Variants in PTK7 observed in about 807,000 individuals in gnomAD.
PTK7 encodes protein tyrosine kinase 7 (inactive), also known as inactive tyrosine-protein kinase 7.
In PTK7, 39 loss-of-function variants were observed where a neutral mutation model predicts 116.6. The observed-to-expected ratio is 0.33, with a 90% CI of 0.26 to 0.44. The LOEUF (loss-of-function observed/expected upper bound fraction) is 0.44, where lower values mean the gene tolerates loss of function less well. Among genes scored for constraint, PTK7 ranks in the 20% least tolerant of loss-of-function variants. PTK7 has a pLI of 1.00. For missense variants in PTK7, 1,169 were observed against 1,425.6 expected, an observed-to-expected ratio of 0.82 and a Z score of 2.90; for synonymous variants, 546 against 563.6, an observed-to-expected ratio of 0.97 and a Z score of 0.44.
At position 43,138,843 on chromosome 6, in the gene PTK7, G is replaced by T. The variant is rs750321971; in HGVS notation, c.1229-6G>T. ...AGCCTTCACTGTTTCCTTCCTGTCT[G>T]TCTAGCTGTGCCCTCCTGGCTGAAG... On this transcript the variant is annotated splice_polypyrimidine_tract_variant and splice_region_variant and intron_variant, in intron 7 of 19. Coordinates refer to ENST00000230419, the MANE Select transcript of PTK7 (RefSeq NM_002821.5). The T allele has an allele frequency of 2.4e-5, 39 of 1,609,216 alleles. No individual in the cohort carries two copies. Among genetic ancestry groups the T allele is most frequent in the Non-Finnish European group, 3.3e-5 (39 of 1,177,746 alleles).
chr6:43,104,312 T>G (rs1333702241), intron 1 of PTK7, among the ~76,000 whole-genome samples: 2 of 152,194 alleles, frequency 1.3e-5, no homozygotes, highest in Non-Finnish European at 2.9e-5. Context: ...AAATCTTGGT[T>G]GAGGGTGGGG....
chr6:43,092,113 G>A (rs903721340), intron 1 of PTK7, among the ~76,000 whole-genome samples: 6 of 151,998 alleles, frequency 3.9e-5, no homozygotes, highest in Admixed American at 2.6e-4. Context: ...CACCCACCTC[G>A]GCCTCCCAAA....
chr6:43,086,063 C>T (rs1766633616), intron 1 of PTK7, among the ~76,000 whole-genome samples: 1 of 152,152 alleles, frequency 6.6e-6, no homozygotes, highest in Non-Finnish European at 1.5e-5. Context: ...GGTGGGAATT[C>T]TCCCTCTCTC....
chr6:43,104,485 AT>A (rs1414330554), intron 1 of PTK7, among the ~76,000 whole-genome samples: 1 of 152,144 alleles, frequency 6.6e-6, no homozygotes, highest in Non-Finnish European at 1.5e-5. Context: ...AGCTAGGCCC[AT>A]TGTAACCTCT....
In PTK7 at chr6:43,141,759, C is replaced by T. The variant is rs371950841; in HGVS notation, c.1710C>T (p.Cys570=). 14 of 1,614,026 alleles carry T rather than the reference C, an allele frequency of 8.7e-6. No individual in the cohort carries two copies. The African/African-American group carries it at 1.9e-4, about 22-fold the overall frequency. ...VTRDDAGNYT[C]IASNGPQGQI... is the part of the protein sequence containing the mutation. ...GAGATGACGCTGGCAACTACACTTG[C>T]ATTGCCTCCAACGGGCCGCAGGGCC... Residue 570 remains cysteine (C), a synonymous_variant, in exon 11 of 20, where the codon TGC becomes TGT. Coordinates refer to ENST00000230419, the MANE Select transcript of PTK7 (RefSeq NM_002821.5). This position sits in a 1 kb window ranked among gnomAD's most constrained non-coding sequence, Gnocchi z 4.9.
intron 1 of PTK7, among the ~76,000 whole-genome samples, chr6:43,126,077 T>G (rs1197291936): frequency 6.6e-6 from 1 of 152,148 alleles, no homozygotes; most frequent in South Asian, 2.1e-4. Context: ...CCCAGCACTT[T>G]AGGAGGCCGA....
Position 43,143,109 on chromosome 6 carries a change from A to G in PTK7, c.2048-308A>G. On this transcript the variant is annotated intron_variant, in intron 13 of 19. Coordinates refer to ENST00000230419, the MANE Select transcript of PTK7 (RefSeq NM_002821.5). This position sits in a 1 kb window ranked among gnomAD's most constrained non-coding sequence, Gnocchi z 4.2. ...GGGGCCTGGCTCACATTATCAAGTC[A>G]CTTGGGAAGCTTAACAAATAACGTG... 3.3e-6 allele frequency: 1 copy of G among 300,852 alleles called. No homozygotes were observed. The allele number at this position is 300,852 out of a possible 1,614,324, so 18.6% of individuals were successfully genotyped here. A position where few individuals can be genotyped will look rare whatever the true frequency, so the allele number is the denominator to read the frequency against.
At chr6:43,107,683 T>G (rs552862254) in intron 1 of PTK7, among the ~76,000 whole-genome samples, 1 of 152,340 alleles carries the variant, frequency 6.6e-6, no homozygotes, top group African/African-American at 2.4e-5. Context: ...AGTAAATGAT[T>G]GTTGAATTAA....
chr6:43,129,245 C>T lies in PTK7; in HGVS notation c.348C>T (p.Asn116=), dbSNP rs141130398. 1.3e-4 allele frequency: 210 copies of T among 1,614,110 alleles called. No homozygotes were observed. Among genetic ancestry groups the T allele is most frequent in the Admixed American group, 6.3e-4 (38 of 60,026 alleles). ...CTGGAGAAGAAGCCCGCAGTGCCAA[C>T]GCCTCCTTCAACATCAAATGTGAGA... ...DVTGEEARSA[N]ASFNIKWIEA... The change falls in exon 2 of 20, where the codon AAC becomes AAT. Residue 116 remains asparagine (N), a synonymous_variant. Coordinates refer to ENST00000230419, the MANE Select transcript of PTK7 (RefSeq NM_002821.5). The surrounding 1 kb of genome is among the most constrained non-coding windows in gnomAD (Gnocchi z 4.5).
In PTK7 at chr6:43,079,896, CA is replaced by C. The variant is rs757923431; in HGVS notation, c.79+3345del. On this transcript the variant is annotated intron_variant, in intron 1 of 19. Coordinates refer to ENST00000230419, the MANE Select transcript of PTK7 (RefSeq NM_002821.5). ...CAACACAATGAGACCTCCACCTGTA[CA>C]AAAAAAAAAAAAAAATTGCCAGGCA... Among the ~76,000 whole-genome samples, 600 of 62,026 alleles carry C rather than the reference CA, an allele frequency of 9.7e-3. 5 individuals are homozygous for C. Among genetic ancestry groups the C allele is most frequent in the African/African-American group, 0.028 (433 of 15,530 alleles). The allele number at this position is 62,026 out of a possible 152,430, so 40.7% of individuals were successfully genotyped here.
rs147139979 is a variant in PTK7, at chr6:43,133,799, T to C, written c.1228+1112T>C. 8 of 152,348 alleles carry C rather than the reference T, an allele frequency of 5.3e-5. No homozygotes were observed. The East Asian group carries it at 1.5e-3, about 29-fold the overall frequency. 9.4% of individuals were successfully genotyped at this position (152,348 alleles called of 1,614,324 possible). A position where few individuals can be genotyped will look rare whatever the true frequency, so the allele number is the denominator to read the frequency against. On this transcript the variant is annotated intron_variant, in intron 7 of 19. Transcript: ENST00000230419. ...TATTATCTTTCCGAGTGGGTAACTTTGCAAAAAGATTTGAATATGAAAGTG... is the reference window on the plus strand; with the variant it reads ...TATTATCTTTCCGAGTGGGTAACTTCGCAAAAAGATTTGAATATGAAAGTG...
Position 43,145,113 on chromosome 6 carries a change from C to T in PTK7, c.2408-87C>T. ...CCCAGCCCAGGTGGGTGGGTCCCCA[C>T]TGTGGGAGAGGCTAGGCCCCTCCCC... On this transcript the variant is annotated intron_variant, in intron 15 of 19. Coordinates refer to ENST00000230419, the MANE Select transcript of PTK7 (RefSeq NM_002821.5). This position sits in a 1 kb window ranked among gnomAD's most constrained non-coding sequence, Gnocchi z 4.8. 2.3e-6 allele frequency: 3 copies of T among 1,280,964 alleles called. No homozygotes were observed. Among genetic ancestry groups the T allele is most frequent in the South Asian group, 1.5e-5 (1 of 65,588 alleles). 79.3% of individuals were successfully genotyped at this position (1,280,964 alleles called of 1,614,324 possible). A position where few individuals can be genotyped will look rare whatever the true frequency, so the allele number is the denominator to read the frequency against.
Position 43,144,548 on chromosome 6 carries a change from C to T in PTK7, c.2349C>T (p.His783=). ...GCCCCGCGGCCACCAACAAACGCCA[C>T]AGCACAAGTGATAAGATGCACTTCC... is the stretch of plus-strand genomic sequence containing the variant. ...GSGPAATNKR[H]STSDKMHFPR... Residue 783 remains histidine, a synonymous_variant, in exon 15 of 20, where the codon CAC becomes CAT. Transcript: ENST00000230419. The T allele has an allele frequency of 6.2e-7, 1 of 1,614,202 alleles. No individual in the cohort carries two copies. Among genetic ancestry groups the T allele is most frequent in the Non-Finnish European group, 8.5e-7 (1 of 1,180,026 alleles).
Position 43,129,897 on chromosome 6 carries a change from C to A in PTK7, c.470+68C>A. On this transcript the variant is annotated intron_variant, in intron 3 of 19. Coordinates refer to ENST00000230419, the MANE Select transcript of PTK7 (RefSeq NM_002821.5). This position sits in a 1 kb window ranked among gnomAD's most constrained non-coding sequence, Gnocchi z 4.5. The stretch of plus-strand genomic sequence containing the variant: ...CAGGGATGTCTCCCCAAATCTTGGA[C>A]TCTATGCGGATGTTACCTCGCTCCA... 1 of 1,454,844 alleles carries A rather than the reference C, an allele frequency of 6.9e-7. No homozygotes were observed. The highest frequency in any genetic ancestry group is 9.6e-7 in the Non-Finnish European group (1 of 1,041,944). 90.1% of individuals were successfully genotyped at this position (1,454,844 alleles called of 1,614,324 possible).
chr6:43,107,620 TTCTC>T (rs1210259622), intron 1 of PTK7, among the ~76,000 whole-genome samples: 1 of 152,208 alleles, frequency 6.6e-6, no homozygotes, highest in African/African-American at 2.4e-5. Context: ...AATTGTGTGT[TTCTC>T]TCTCTGTCCC....
At chr6:43,120,067 G>T (rs1768868556) in intron 1 of PTK7, among the ~76,000 whole-genome samples, 2 of 152,160 alleles carry the variant, frequency 1.3e-5, no homozygotes, top group African/African-American at 2.4e-5. Flanking sequence ...CATAGGGAGG[G>T]ACTGTAGGCT....
Position 43,140,369 on chromosome 6 carries a change from T to G in PTK7, c.1618+844T>G, listed in dbSNP as rs565609337. On this transcript the variant is annotated intron_variant, in intron 10 of 19. Transcript: ENST00000230419. ...TCGGGAGGCTGAGGTAGGAGAATTGTTTGAACCCAGGAGGCGGAGGTGGCA... is the reference window on the plus strand; with the variant it reads ...TCGGGAGGCTGAGGTAGGAGAATTGGTTGAACCCAGGAGGCGGAGGTGGCA... 1.6e-4 allele frequency among the ~76,000 whole-genome samples: 24 copies of G among 149,040 alleles called. 1 individual carries two copies. Among genetic ancestry groups the G allele is most frequent in the Admixed American group, 1.4e-3 (21 of 15,080 alleles).
At position 43,117,934 on chromosome 6, in the gene PTK7, CA is replaced by C. The variant is rs59457900; in HGVS notation, c.80-11032del. ...CTGGGCAAAAGAGCAAAACTCTGTC[CA>C]AAAAAAAAAACGAAAGAAAAGAAAA... On this transcript the variant is annotated intron_variant, in intron 1 of 19. Transcript: ENST00000230419. Among the ~76,000 whole-genome samples, 315 of 116,642 alleles carry C rather than the reference CA, an allele frequency of 2.7e-3. 4 individuals carry two copies. In the South Asian group the frequency reaches 0.036, roughly 13 times the overall value. The allele number at this position is 116,642 out of a possible 152,430, so 76.5% of individuals were successfully genotyped here. A position where few individuals can be genotyped will look rare whatever the true frequency, so the allele number is the denominator to read the frequency against.
intron 13 of PTK7, 124 bp downstream of exon 13, chr6:43,142,423 G>A: frequency 1.3e-5 from 18 of 1,430,156 alleles, no homozygotes; most frequent in Non-Finnish European, 1.7e-5. Context: ...GTGGGGATTC[G>A]GCCGTCTCAC....
Sources: allele counts gnomAD v4.1 joint callset (sites outside exome capture counted in the v4.1 genomes callset), GRCh38; gene constraint gnomAD v4.1.1; non-coding constraint Gnocchi (gnomAD v3.1); transcripts MANE v1.5; gene names NCBI Gene and HGNC (gene_info 2026-07-23, HGNC 2026-07-21).